IL1RL1: variants seen among roughly 807,000 people sequenced by gnomAD.
The protein encoded by IL1RL1 is interleukin-1 receptor-like 1.
IL1RL1 carries 32 observed loss-of-function variants against 50.9 expected under a neutral mutation model. That is an observed-to-expected ratio of 0.63 (90% confidence interval 0.47 to 0.84). The LOEUF is 0.84. IL1RL1 is among the 40% of genes least tolerant of loss of function. The pLI is 0.00. For synonymous variants in IL1RL1, 275 were observed against 236.0 expected, an observed-to-expected ratio of 1.17 and a Z score of -1.51; for missense variants, 773 against 662.9, an observed-to-expected ratio of 1.17 and a Z score of -1.82.
chr2:102,336,984 G>A (rs17639215), intron 1 of IL1RL1, among the ~76,000 whole-genome samples: 14,734 of 152,174 alleles, frequency 0.097, 813 homozygotes, highest in Non-Finnish European at 0.13. Flanking sequence ...ATTTAGAACT[G>A]AAAGTGTCCC....
chr2:102,314,108 C>A (rs1361963676), intron 1 of IL1RL1, among the ~76,000 whole-genome samples: 1 of 151,986 alleles, frequency 6.6e-6, no homozygotes, highest in East Asian at 1.9e-4. Context: ...TTCAACTTGT[C>A]TGGGATGTAT....
At chr2:102,345,253 C>G in intron 8 of IL1RL1, 1 of 985,462 alleles carries the variant, frequency 1.0e-6, no homozygotes, top group African/African-American at 1.7e-5. Context: ...TGGTGTGTCT[C>G]TGAATGCAAT....
chr2:102,340,169 A>G lies in IL1RL1; in HGVS notation c.344A>G (p.Asp115Gly). Reference protein sequence around the residue: ...YKKQSDCNVPDYLMYSTVSGS... With the variant: ...YKKQSDCNVPGYLMYSTVSGS... ...AAACAATCAGATTGCAATGTTCCAG[A>G]TTATTTGATGTATTCAACAGTATCT... The change falls in exon 4 of 11, where the codon GAT (aspartate) becomes GGT (glycine). Residue 115 changes from aspartate to glycine, a missense_variant. Transcript: ENST00000233954. The G allele has an allele frequency of 6.3e-7, 1 of 1,599,548 alleles. No homozygotes were observed. The highest frequency in any genetic ancestry group is 8.5e-7 in the Non-Finnish European group (1 of 1,172,998).
At chr2:102,323,769 A>C (rs904983154) in intron 1 of IL1RL1, among the ~76,000 whole-genome samples, 1 of 152,146 alleles carries the variant, frequency 6.6e-6, no homozygotes, top group African/African-American at 2.4e-5. Flanking sequence ...TCAAATTTCA[A>C]CATGAGGTGA....
At chr2:102,337,754 GT>G (rs1213895454) in intron 1 of IL1RL1, among the ~76,000 whole-genome samples, 3 of 151,946 alleles carry the variant, frequency 2.0e-5, no homozygotes, top group African/African-American at 7.2e-5. Flanking sequence ...GATGTCTGTG[GT>G]TTCACATGAT....
intron 1 of IL1RL1, among the ~76,000 whole-genome samples, chr2:102,311,946 A>ATATATTTTAT (rs1559592062): frequency 1.7e-3 from 73 of 42,828 alleles, no homozygotes; most frequent in East Asian, 4.3e-3. Flanking sequence ...ATATAATATT[A>ATATATTTTAT]TATATAATAT....
intron 1 of IL1RL1, among the ~76,000 whole-genome samples, chr2:102,337,802 T>G (rs1262294470): frequency 6.7e-6 from 1 of 149,936 alleles, no homozygotes; most frequent in African/African-American, 2.5e-5. Context: ...ATTTTATGGT[T>G]TTTTTTTCAA....
intron 5 of IL1RL1, 58 bp from the exon 6 acceptor site, chr2:102,342,165 T>C: frequency 8.2e-7 from 1 of 1,215,398 alleles, no homozygotes; most frequent in Non-Finnish European, 1.2e-6. Flanking sequence ...AAATACAAGC[T>C]TTATATTGAC....
intron 1 of IL1RL1, among the ~76,000 whole-genome samples, chr2:102,317,651 A>G (rs1194417897): frequency 1.3e-5 from 2 of 152,156 alleles, no homozygotes; most frequent in African/African-American, 4.8e-5. Flanking sequence ...CATATCTCTT[A>G]TAAAAATAAA....
chr2:102,324,044 T>C (rs2104966761), intron 1 of IL1RL1, among the ~76,000 whole-genome samples: 1 of 151,276 alleles, frequency 6.6e-6, no homozygotes, highest in South Asian at 2.1e-4. Context: ...TAGTGTTCCA[T>C]TGTATGAATA....
chr2:102,351,851 A>G lies in IL1RL1; in HGVS notation c.1601A>G (p.Gln534Arg), dbSNP rs987589987. 1 of 1,614,040 alleles carries G rather than the reference A, an allele frequency of 6.2e-7. No homozygotes were observed. The highest frequency in any genetic ancestry group is 8.5e-7 in the Non-Finnish European group (1 of 1,179,932). ...AAATTCTGGAAGCACGTGAGGTACCAAATGCCTGTGCCAAGCAAAATTCCC... is the reference window on the plus strand; with the variant it reads ...AAATTCTGGAAGCACGTGAGGTACCGAATGCCTGTGCCAAGCAAAATTCCC... ...NSKFWKHVRY[Q>R]MPVPSKIPRK... The change falls in exon 11 of 11, where the codon CAA becomes CGA. Residue 534 changes from glutamine (Q) to arginine (R), a missense_variant. Physicochemically the swap from Gln to Arg is conservative, Grantham distance 43. Coordinates refer to ENST00000233954, the MANE Select transcript of IL1RL1 (RefSeq NM_016232.5).
At chr2:102,343,974 G>C in intron 8 of IL1RL1, 1 of 834,324 alleles carries the variant, frequency 1.2e-6, no homozygotes. Flanking sequence ...TTGATATAAA[G>C]AAATACCTGA....
intron 8 of IL1RL1, chr2:102,344,679 C>T: frequency 2.5e-5 from 19 of 771,494 alleles, no homozygotes; most frequent in Non-Finnish European, 3.0e-5. Context: ...CTAGCCAGTG[C>T]TCAGCTAAAT....
At position 102,336,485 on chromosome 2, in the gene IL1RL1, T is replaced by A. The variant is rs111236367; in HGVS notation, c.-149-1631T>A. ...GTTCCTGAATCCTTCTGAGATGTGA[T>A]GACTTATAAACGTAGGTTGAGTTTA... is the stretch of plus-strand genomic sequence containing the variant. On this transcript the variant is annotated intron_variant, in intron 1 of 10. Coordinates refer to ENST00000233954, the MANE Select transcript of IL1RL1 (RefSeq NM_016232.5). Among the ~76,000 whole-genome samples, 348 of 152,336 alleles carry A rather than the reference T, an allele frequency of 2.3e-3. 4 individuals are homozygous for A. The highest frequency in any genetic ancestry group is 8.0e-3 in the African/African-American group (333 of 41,566).
chr2:102,316,580 A>G (rs1318602012), intron 1 of IL1RL1, among the ~76,000 whole-genome samples: 1 of 152,188 alleles, frequency 6.6e-6, no homozygotes, highest in Non-Finnish European at 1.5e-5. Flanking sequence ...TTTAATTTTT[A>G]TAAAAAAGAA....
At chr2:102,321,543 C>T (rs1676837785) in intron 1 of IL1RL1, among the ~76,000 whole-genome samples, 1 of 152,106 alleles carries the variant, frequency 6.6e-6, no homozygotes, top group Admixed American at 6.5e-5. Context: ...ACATCCTTAC[C>T]ACTGATGAGT....
At chr2:102,347,349 C>T (rs1408516980) in intron 8 of IL1RL1, among the ~76,000 whole-genome samples, 2 of 152,190 alleles carry the variant, frequency 1.3e-5, no homozygotes, top group African/African-American at 2.4e-5. Context: ...CTTGGGAAAA[C>T]CACTCAAGTC....
Position 102,348,956 on chromosome 2 carries a change from A to T in IL1RL1, c.1118-123A>T, listed in dbSNP as rs1677858599. The T allele has an allele frequency of 2.9e-6, 2 of 691,846 alleles. 1 individual carries two copies. Among genetic ancestry groups the T allele is most frequent in the African/African-American group, 3.6e-5 (2 of 56,062 alleles). The allele number at this position is 691,846 out of a possible 1,614,324, so 42.9% of individuals were successfully genotyped here. A position where few individuals can be genotyped will look rare whatever the true frequency, so the allele number is the denominator to read the frequency against. On this transcript the variant is annotated intron_variant, in intron 9 of 10. Coordinates refer to ENST00000233954, the MANE Select transcript of IL1RL1 (RefSeq NM_016232.5). ...GACGTCAACATCTCTTGAGTCTAGA[A>T]TATTTTGGAGGATGACATACATTCA...
intron 10 of IL1RL1, among the ~76,000 whole-genome samples, chr2:102,349,803 G>A (rs1387921357): frequency 6.6e-6 from 1 of 152,056 alleles, no homozygotes; most frequent in African/African-American, 2.4e-5. Context: ...TCCTGTGTTT[G>A]CAGTAGTTAT....
Sources: gnomAD v4.1 joint callset for allele counts (sites outside exome capture counted in the v4.1 genomes callset) on GRCh38, gnomAD v4.1.1 for gene constraint, MANE v1.5 for transcripts, NCBI Gene and HGNC (gene_info 2026-07-23, HGNC 2026-07-21) for gene names.